Variants in SLC4A7 observed in about 807,000 individuals in gnomAD.
The protein encoded by SLC4A7 is solute carrier family 4 member 7.
A neutral mutation model predicts 137.6 loss-of-function variants in SLC4A7; 51 were observed. The ratio of observed to expected loss-of-function variants is 0.37; its 90% CI spans 0.30 to 0.47. SLC4A7 has a LOEUF of 0.47. Among genes scored for constraint, SLC4A7 ranks in the 20% least tolerant of loss-of-function variants. The probability of loss-of-function intolerance (pLI) is 1.00; values close to 1 mark genes in which losing one functional copy is unlikely to be tolerated. For synonymous variants in SLC4A7, 542 were observed against 518.6 expected, an observed-to-expected ratio of 1.05 and a Z score of -0.61; for missense variants, 1,247 against 1,525.4, an observed-to-expected ratio of 0.82 and a Z score of 3.04.
rs1402865507 is a variant in SLC4A7, at chr3:27,373,032, GTAGT to G, written c.*3728_*3731del. The G allele has an allele frequency of 1.4e-5, 2 of 145,678 alleles. No homozygotes were observed. The highest frequency in any genetic ancestry group is 6.8e-5 in the Admixed American group (1 of 14,600). 9.0% of individuals were successfully genotyped at this position (145,678 alleles called of 1,614,324 possible). On this transcript the variant is annotated 3_prime_UTR_variant, in exon 26 of 26. Coordinates refer to ENST00000454389, the MANE Select transcript of SLC4A7 (RefSeq NM_001321103.2). ...AAATTCAATTTTTATTTATTTAAAC[GTAGT>G]TAAACATTGGAAGACAATCTCCCCC...
intron 1 of SLC4A7, among the ~76,000 whole-genome samples, chr3:27,483,793 CG>C (rs1208001480): frequency 6.6e-6 from 1 of 151,824 alleles, no homozygotes; most frequent in African/African-American, 2.4e-5. Flanking sequence ...GCGGGGATGT[CG>C]GGGTCCCGCC....
intron 1 of SLC4A7, among the ~76,000 whole-genome samples, chr3:27,462,249 C>T (rs114872596): frequency 0.014 from 2,178 of 152,224 alleles, 31 homozygotes; most frequent in Middle Eastern, 0.034. Context: ...AATTCATTTA[C>T]AAATTTTTCA....
chr3:27,400,046 T>C (rs887663054), intron 16 of SLC4A7, among the ~76,000 whole-genome samples: 2 of 152,182 alleles, frequency 1.3e-5, no homozygotes, highest in African/African-American at 4.8e-5. Flanking sequence ...CAGTTACTTA[T>C]ATGATATAAA....
Position 27,400,996 on chromosome 3 carries a change from G to C in SLC4A7, c.2322-127C>G, listed in dbSNP as rs1244132902. 1.5e-5 allele frequency: 8 copies of C among 544,054 alleles called. No homozygotes were observed. In the South Asian group the frequency reaches 2.4e-4, roughly 16 times the overall value. The allele number at this position is 544,054 out of a possible 1,614,324, so 33.7% of individuals were successfully genotyped here. Reference sequence around the variant, plus strand: ...CCCACATTGAGAAGCATGGAGACTAGAAAGTGGAAAATACATCAGAAACAA... The same window carrying C: ...CCCACATTGAGAAGCATGGAGACTACAAAGTGGAAAATACATCAGAAACAA... On this transcript the variant is annotated intron_variant, in intron 15 of 25. Coordinates refer to ENST00000454389, the MANE Select transcript of SLC4A7 (RefSeq NM_001321103.2).
At chr3:27,476,668 T>C (rs1051631640) in intron 1 of SLC4A7, among the ~76,000 whole-genome samples, 32 of 151,982 alleles carry the variant, frequency 2.1e-4, no homozygotes, top group Non-Finnish European at 1.0e-4. Flanking sequence ...TGTTTGAGAG[T>C]GTGTAGCCCT....
chr3:27,447,342 T>C (rs2057734044), intron 3 of SLC4A7, among the ~76,000 whole-genome samples: 1 of 152,200 alleles, frequency 6.6e-6, no homozygotes, highest in East Asian at 1.9e-4. Context: ...TAGGGCTTGG[T>C]AGAATGTTTA....
In SLC4A7 at chr3:27,467,763, G is replaced by A. The variant is rs193070800; in HGVS notation, c.61-15265C>T. Among the ~76,000 whole-genome samples, 34 of 152,290 alleles carry A rather than the reference G, an allele frequency of 2.2e-4. No individual in the cohort carries two copies. In the East Asian group the frequency reaches 6.4e-3, roughly 28 times the overall value. Reference sequence around the variant, plus strand: ...CACCAATGTATAAGATCACCATCTAGTGGTTATGATTAGAACCATGGAATT... The same window carrying A: ...CACCAATGTATAAGATCACCATCTAATGGTTATGATTAGAACCATGGAATT... On this transcript the variant is annotated intron_variant, in intron 1 of 25. Coordinates refer to ENST00000454389, the MANE Select transcript of SLC4A7 (RefSeq NM_001321103.2).
intron 22 of SLC4A7, among the ~76,000 whole-genome samples, chr3:27,386,896 TACA>T (rs1319858079): frequency 1.3e-5 from 2 of 152,110 alleles, no homozygotes; most frequent in Non-Finnish European, 2.9e-5. Flanking sequence ...AGATAAGGAG[TACA>T]ACATTACTTA....
chr3:27,474,975 T>C (rs1285252578), intron 1 of SLC4A7, among the ~76,000 whole-genome samples: 1 of 152,028 alleles, frequency 6.6e-6, no homozygotes, highest in Non-Finnish European at 1.5e-5. Context: ...CCAGGCATGA[T>C]GGCGCACGCC....
At chr3:27,382,742 T>G (rs2150025453) in intron 24 of SLC4A7, among the ~76,000 whole-genome samples, 1 of 152,266 alleles carries the variant, frequency 6.6e-6, no homozygotes, top group East Asian at 1.9e-4. Flanking sequence ...GAATGGACAC[T>G]GACAAAGATT....
At chr3:27,424,273 AAAAT>A (rs1446493966) in intron 7 of SLC4A7, 121 bp from the exon 8 acceptor site, 1 of 529,326 alleles carries the variant, frequency 1.9e-6, no homozygotes, top group African/African-American at 2.0e-5. Flanking sequence ...AAGGTTAAAA[AAAAT>A]AAGTGCCCGG....
chr3:27,433,001 T>G (rs996715270), intron 6 of SLC4A7, among the ~76,000 whole-genome samples: 3 of 152,188 alleles, frequency 2.0e-5, no homozygotes, highest in Non-Finnish European at 4.4e-5. Context: ...TTAAATGGAT[T>G]AAAAAGGGTT....
intron 1 of SLC4A7, 45 bp downstream of exon 1, chr3:27,484,022 G>A: frequency 7.5e-7 from 1 of 1,341,764 alleles, no homozygotes; most frequent in Non-Finnish European, 9.6e-7. Flanking sequence ...GCCTCGCCCC[G>A]CGCCCTCCCC....
chr3:27,449,391 T>C (rs1487570094), intron 2 of SLC4A7, among the ~76,000 whole-genome samples: 2 of 149,400 alleles, frequency 1.3e-5, no homozygotes, highest in African/African-American at 2.4e-5. Context: ...TACTTTATAA[T>C]AAATATAATG....
At chr3:27,455,570 A>ATTTTTTT (rs780026916) in intron 1 of SLC4A7, among the ~76,000 whole-genome samples, 1 of 125,362 alleles carries the variant, frequency 8.0e-6, no homozygotes, top group Non-Finnish European at 1.6e-5. Flanking sequence ...GCATAACTAA[A>ATTTTTTT]TTTTTTTTTT....
chr3:27,412,478 A>G (rs2053998787), intron 11 of SLC4A7, among the ~76,000 whole-genome samples: 3 of 152,180 alleles, frequency 2.0e-5, no homozygotes, highest in Admixed American at 1.3e-4. Context: ...TACTGGGTCA[A>G]AGGCTCTAGG....
At chr3:27,379,093 A>G (rs1285967995) in intron 25 of SLC4A7, among the ~76,000 whole-genome samples, 156 bp downstream of exon 25, 2 of 152,212 alleles carry the variant, frequency 1.3e-5, no homozygotes, top group Non-Finnish European at 2.9e-5. Flanking sequence ...TTTTTAAAAT[A>G]GGTAACTGTA....
intron 1 of SLC4A7, among the ~76,000 whole-genome samples, chr3:27,476,757 T>G (rs1283225568): frequency 3.3e-5 from 5 of 152,202 alleles, no homozygotes; most frequent in Non-Finnish European, 7.3e-5. Context: ...TGAGTCCTCC[T>G]AGCCATGCTT....
intron 1 of SLC4A7, among the ~76,000 whole-genome samples, chr3:27,477,203 G>A (rs988619713): frequency 1.3e-5 from 2 of 152,180 alleles, no homozygotes; most frequent in African/African-American, 4.8e-5. Flanking sequence ...TCCTAGCACT[G>A]GGCAGGAGAA....
Sources: gnomAD v4.1 joint callset for allele counts (sites outside exome capture counted in the v4.1 genomes callset) on GRCh38, gnomAD v4.1.1 for gene constraint, MANE v1.5 for transcripts, NCBI Gene and HGNC (gene_info 2026-07-23, HGNC 2026-07-21) for gene names.